The following SVEP1 variants were observed in gnomAD, a reference collection of about 807,000 sequenced individuals.
SVEP1 encodes sushi, von Willebrand factor type A, EGF and pentraxin domain-containing protein 1.
Under a neutral mutation model 367.3 loss-of-function variants are expected in SVEP1, and 164 were observed. That is an observed-to-expected ratio of 0.45 (90% CI 0.39 to 0.51). The LOEUF is 0.51. Ranked by LOEUF, SVEP1 falls within the 20% of genes least tolerant of loss-of-function variation. SVEP1 has a pLI of 0.00. For synonymous variants in SVEP1, 1,666 were observed against 1,611.6 expected (o/e 1.03, Z -0.81); for missense variants, 4,117 against 4,425.3 (o/e 0.93, Z 1.98).
intron 1 of SVEP1, among the ~76,000 whole-genome samples, chr9:110,576,352 TG>T (rs1210968919): frequency 6.6e-6 from 1 of 152,078 alleles, no homozygotes; most frequent in African/African-American, 2.4e-5. Context: ...AAATATATGG[TG>T]GGAATACAAA....
intron 1 of SVEP1, among the ~76,000 whole-genome samples, chr9:110,570,248 C>T (rs972421341): frequency 6.6e-6 from 1 of 152,180 alleles, no homozygotes; most frequent in East Asian, 1.9e-4. Flanking sequence ...TCAATGTAGA[C>T]ATGTCTTCAC....
intron 3 of SVEP1, among the ~76,000 whole-genome samples, chr9:110,537,997 A>G (rs957671359): frequency 1.3e-5 from 2 of 151,988 alleles, no homozygotes; most frequent in African/African-American, 4.8e-5. Context: ...ATAAGATCTT[A>G]TAACAATAAG....
chr9:110,472,032 G>C, intron 15 of SVEP1, 127 bp downstream of exon 15: 1 of 1,004,844 alleles, frequency 1.0e-6, no homozygotes, highest in Non-Finnish European at 1.5e-6. Flanking sequence ...AGTTAACTGT[G>C]CTTTCCCTAA....
rs544127176 is a variant in SVEP1, at chr9:110,446,768, G to A, written c.4261+132C>T. On this transcript the variant is annotated intron_variant, in intron 25 of 47. Transcript: ENST00000374469. ...ACCTAGTTTGTTGGATGGCTGTGAA[G>A]ATTAAATGAGTACAAAGTGCTTGGC... The A allele has an allele frequency of 2.5e-5, 17 of 678,544 alleles. No homozygotes were observed. The South Asian group carries it at 6.8e-4, about 27-fold the overall frequency. The allele number at this position is 678,544 out of a possible 1,614,324, so 42.0% of individuals were successfully genotyped here.
chr9:110,521,684 G>C (rs28459671), intron 3 of SVEP1, among the ~76,000 whole-genome samples: 1,835 of 152,140 alleles, frequency 0.012, 35 homozygotes, highest in African/African-American at 0.039. Context: ...ATTCTTTATT[G>C]TCTTAAAGTG....
intron 9 of SVEP1, among the ~76,000 whole-genome samples, chr9:110,486,636 T>TC (rs1491405482): frequency 6.3e-4 from 50 of 79,074 alleles, no homozygotes; most frequent in Non-Finnish European, 9.5e-4. Flanking sequence ...CTTCCTTCTC[T>TC]TTCTCTCTCT....
At position 110,489,723 on chromosome 9, in the gene SVEP1, A is replaced by G; in HGVS notation, c.1857T>C (p.Asp619=). The change falls in exon 9 of 48, where the codon GAT becomes GAC. Residue 619 remains aspartate, a synonymous_variant. Transcript: ENST00000374469. ...CAGTTGCCGTGTATACGATAGCAAC[A>G]TCTCCAATTGGGAAAAGGTAAGGTG... ...FTPPYLFPIG[D]VAIVYTATDL... The G allele has an allele frequency of 6.2e-7, 1 of 1,613,638 alleles. No homozygotes were observed. Among genetic ancestry groups the G allele is most frequent in the South Asian group, 1.1e-5 (1 of 91,048 alleles).
chr9:110,545,362 A>G (rs1466723493), intron 3 of SVEP1, among the ~76,000 whole-genome samples: 1 of 152,148 alleles, frequency 6.6e-6, no homozygotes, highest in Non-Finnish European at 1.5e-5. Flanking sequence ...CATAATGGCT[A>G]TGCTAATTCA....
intron 3 of SVEP1, among the ~76,000 whole-genome samples, chr9:110,529,281 TA>T (rs34834254): frequency 0.68 from 103,108 of 151,848 alleles, 35,976 homozygotes; most frequent in Admixed American, 0.77. Context: ...TATAGCTTTG[TA>T]GTATAATTTG....
At chr9:110,371,108 G>GT (rs1438347772) in intron 46 of SVEP1, among the ~76,000 whole-genome samples, 1 of 152,152 alleles carries the variant, frequency 6.6e-6, no homozygotes, top group African/African-American at 2.4e-5. Flanking sequence ...AGCTCTCTTG[G>GT]TAAGTTAAGA....
chr9:110,453,482 G>A (rs980007995), intron 22 of SVEP1, among the ~76,000 whole-genome samples: 7 of 152,112 alleles, frequency 4.6e-5, no homozygotes, highest in African/African-American at 1.7e-4. Context: ...TTCCAGAGTG[G>A]CTGAACTAAT....
chr9:110,463,784 A>G (rs1036937037), intron 18 of SVEP1, among the ~76,000 whole-genome samples: 4 of 152,054 alleles, frequency 2.6e-5, no homozygotes, highest in African/African-American at 9.7e-5. Flanking sequence ...CTAACAAAAA[A>G]TATATATAAG....
intron 3 of SVEP1, 44 bp from the exon 4 acceptor site, chr9:110,514,150 C>T: frequency 1.3e-6 from 2 of 1,586,360 alleles, no homozygotes; most frequent in Admixed American, 1.8e-5. Flanking sequence ...TGTGGCACAT[C>T]AGCTGGTAGT....
In SVEP1 at chr9:110,566,849, T is replaced by C. The variant is rs1464311426; in HGVS notation, c.531+12164A>G. On this transcript the variant is annotated intron_variant, in intron 1 of 47. Coordinates refer to ENST00000374469, the MANE Select transcript of SVEP1 (RefSeq NM_153366.4). ...TCTCTTCAGAACTCACTGGATGAGC[T>C]TCTCTCTCCAGAGGTGCTGTAAAGT... Among the ~76,000 whole-genome samples, 2 of 152,212 alleles carry C rather than the reference T, an allele frequency of 1.3e-5. 1 individual carries two copies. The highest frequency in any genetic ancestry group is 1.3e-4 in the Admixed American group (2 of 15,280).
chr9:110,411,865 T>G, intron 36 of SVEP1, 130 bp from the exon 37 acceptor site: 1 of 865,424 alleles, frequency 1.2e-6, no homozygotes, highest in Non-Finnish European at 1.7e-6. Flanking sequence ...ATTTCCTCTT[T>G]GAATACTGAG....
chr9:110,577,708 G>T (rs1830642654), intron 1 of SVEP1, among the ~76,000 whole-genome samples: 1 of 151,706 alleles, frequency 6.6e-6, no homozygotes, highest in Non-Finnish European at 1.5e-5. Flanking sequence ...AGAATTACTG[G>T]CCTCACTATA....
intron 2 of SVEP1, among the ~76,000 whole-genome samples, chr9:110,548,193 T>C (rs1564173478): frequency 6.6e-6 from 1 of 152,200 alleles, no homozygotes; most frequent in Non-Finnish European, 1.5e-5. Flanking sequence ...ACTTCTTCCA[T>C]GTGCTACATA....
intron 2 of SVEP1, among the ~76,000 whole-genome samples, chr9:110,547,091 G>A (rs1031129169): frequency 5.9e-5 from 9 of 152,138 alleles, no homozygotes; most frequent in Admixed American, 1.3e-4. Context: ...CAAGACACAC[G>A]GGCTGCAATT....
intron 3 of SVEP1, among the ~76,000 whole-genome samples, chr9:110,518,548 C>A (rs1829838491): frequency 6.6e-6 from 1 of 152,140 alleles, no homozygotes; most frequent in Admixed American, 6.5e-5. Context: ...CTCAAACCTC[C>A]CACCTCAGCC....
Sources: allele counts gnomAD v4.1 joint callset (sites outside exome capture counted in the v4.1 genomes callset), GRCh38; gene constraint gnomAD v4.1.1; transcripts MANE v1.5; gene names NCBI Gene and HGNC (gene_info 2026-07-23, HGNC 2026-07-21).